The following PROKR2 variants were observed in gnomAD, a reference collection of about 807,000 sequenced individuals.
PROKR2 encodes prokineticin receptor 2.
A neutral mutation model predicts 23.4 loss-of-function variants in PROKR2; 26 were observed. The observed-to-expected ratio is 1.11, with a 90% CI of 0.81 to 1.54. The LOEUF (loss-of-function observed/expected upper bound fraction) is 1.54, where lower values mean the gene tolerates loss of function less well. PROKR2 is among the 40% of genes most tolerant of loss of function. The pLI is 0.00. For missense variants in PROKR2, 453 were observed against 511.5 expected (o/e 0.89, Z 1.10); for synonymous variants, 212 against 201.2 (o/e 1.05, Z -0.45).
intron 2 of PROKR2, 106 bp from the exon 3 acceptor site, chr20:5,302,842 G>A: frequency 1.2e-6 from 1 of 812,634 alleles, no homozygotes; most frequent in Admixed American, 2.0e-5. Flanking sequence ...GAATCCTCAT[G>A]TACTTGTTAT....
intron 1 of PROKR2, chr20:5,315,734 C>T: frequency 2.5e-6 from 1 of 399,234 alleles, no homozygotes; most frequent in Non-Finnish European, 5.1e-6. Context: ...AGGCGAGATG[C>T]AAATCCCAGT....
rs746638938 is a variant in PROKR2 at position 5,313,966 on chromosome 20, C to A, written c.404G>T (p.Arg135Leu). The change falls in exon 2 of 3, where the codon CGC becomes CTC. Residue 135 changes from arginine (R) to leucine (L), a missense_variant. Physicochemically the swap from Arg to Leu is moderately radical, Grantham distance 102 (BLOSUM62 -2). Coordinates refer to ENST00000678254, the MANE Select transcript of PROKR2 (RefSeq NM_144773.4). ...HVLCASVNYL[R>L]TVSLYVSTNA... ...GGTGGAGACGTAGAGGGAGACGGTG[C>A]GCAGGTAGTTGACGGAGGCACAGAG... 1 of 1,614,146 alleles carries A rather than the reference C, an allele frequency of 6.2e-7. No homozygotes were observed. Among genetic ancestry groups the A allele is most frequent in the African/African-American group, 1.3e-5 (1 of 75,026 alleles).
chr20:5,310,700 A>T (rs533316919), intron 2 of PROKR2, among the ~76,000 whole-genome samples: 63 of 152,286 alleles, frequency 4.1e-4, no homozygotes, highest in African/African-American at 1.5e-3. Flanking sequence ...GCTGTGATCT[A>T]TGCTGGCTCC....
chr20:5,313,312 T>A (rs1979513328), intron 2 of PROKR2, among the ~76,000 whole-genome samples: 1 of 152,262 alleles, frequency 6.6e-6, no homozygotes, highest in Admixed American at 6.5e-5. Context: ...CTTTCCTCTT[T>A]TGCACAAACA....
At chr20:5,308,650 G>T (rs1441252248) in intron 2 of PROKR2, among the ~76,000 whole-genome samples, 1 of 152,182 alleles carries the variant, frequency 6.6e-6, no homozygotes, top group Non-Finnish European at 1.5e-5. Context: ...ATTTCTGTGT[G>T]TGTGTCTTTA....
In PROKR2 at chr20:5,314,000, C is replaced by T. The variant is rs940223117; in HGVS notation, c.370G>A (p.Gly124Ser). The T allele has an allele frequency of 6.2e-7, 1 of 1,614,198 alleles. No homozygotes were observed. The highest frequency in any genetic ancestry group is 8.5e-7 in the Non-Finnish European group (1 of 1,180,024). The stretch of plus-strand genomic sequence containing the variant: ...TTGACGGAGGCACAGAGCACGTGGC[C>T]ATGCTCCCAGGAGAGCTGCCGTACC... ...YVVRQLSWEH[G>S]HVLCASVNYL... Residue 124 changes from glycine (G) to serine (S), a missense_variant, in exon 2 of 3, where the codon GGC (glycine) becomes AGC (serine). Gly to Ser is a moderately conservative substitution (Grantham distance 56). Transcript: ENST00000678254.
intron 2 of PROKR2, among the ~76,000 whole-genome samples, chr20:5,310,195 T>C (rs1394948080): frequency 6.6e-6 from 1 of 152,208 alleles, no homozygotes; most frequent in Non-Finnish European, 1.5e-5. Context: ...ACTCATTCAT[T>C]TGCAAGAGGG....
intron 1 of PROKR2, among the ~76,000 whole-genome samples, 155 bp from the exon 2 acceptor site, chr20:5,314,532 G>A (rs1979582931): frequency 1.3e-5 from 2 of 152,214 alleles, no homozygotes; most frequent in Non-Finnish European, 2.9e-5. Context: ...TGGGCAACAT[G>A]CAGGAGAACA....
At position 5,302,562 on chromosome 20, in the gene PROKR2, G is replaced by C; in HGVS notation, c.633C>G (p.Ile211Met). ...KSQEKIFCGQ[I>M]WPVDQQLYYK... ...AGTAGAGCTGCTGATCCACAGGCCA[G>C]ATCTGGCCACAGAAGATCTTCTCCT... Residue 211 changes from isoleucine (I) to methionine (M), a missense_variant, in exon 3 of 3, where the codon ATC (isoleucine) becomes ATG (methionine). Ile to Met is a conservative substitution (Grantham distance 10, BLOSUM62 1). Transcript: ENST00000678254. 2 of 1,614,250 alleles carry C rather than the reference G, an allele frequency of 1.2e-6. No individual in the cohort carries two copies. Among genetic ancestry groups the C allele is most frequent in the Non-Finnish European group, 1.7e-6 (2 of 1,180,044 alleles).
intron 1 of PROKR2, among the ~76,000 whole-genome samples, chr20:5,315,169 GA>G (rs1418258596): frequency 6.7e-6 from 1 of 150,340 alleles, no homozygotes; most frequent in Non-Finnish European, 1.5e-5. Context: ...GTAGGTGGAG[GA>G]GGTGGTGGTG....
chr20:5,312,056 G>C (rs901687811), intron 2 of PROKR2, among the ~76,000 whole-genome samples: 2 of 152,142 alleles, frequency 1.3e-5, no homozygotes, highest in South Asian at 4.1e-4. Context: ...AGATTCCTGG[G>C]ACCTTGCCCA....
chr20:5,303,361 G>A (rs1354413633), intron 2 of PROKR2, among the ~76,000 whole-genome samples: 1 of 152,178 alleles, frequency 6.6e-6, no homozygotes, highest in African/African-American at 2.4e-5. Context: ...TCAGAGGCAG[G>A]AGAGTCAAGG....
intron 2 of PROKR2, among the ~76,000 whole-genome samples, chr20:5,313,242 C>G (rs1051559317): frequency 2.6e-5 from 4 of 152,206 alleles, no homozygotes; most frequent in African/African-American, 9.6e-5. Context: ...GGAAATATCT[C>G]ATGCAAATGT....
chr20:5,310,573 CTGA>C (rs869071183), intron 2 of PROKR2, among the ~76,000 whole-genome samples: 2 of 122,474 alleles, frequency 1.6e-5, no homozygotes, highest in East Asian at 4.9e-4. Flanking sequence ...AGTTTAGAAC[CTGA>C]TCAGAGAAGA....
chr20:5,315,954 G>A (rs1247739651), intron 1 of PROKR2: 1 of 456,452 alleles, frequency 2.2e-6, no homozygotes, highest in Non-Finnish European at 4.4e-6. Flanking sequence ...TCCCCGCCCG[G>A]GAGCGACCCG....
chr20:5,302,344 T>A lies in PROKR2; in HGVS notation c.851A>T (p.Tyr284Phe). Reference sequence around the variant, plus strand: ...GTAGAAGGGTGCCCAGCACAGCACATAGGCCGTGAGAATGCACATGAGCAC... The same window carrying A: ...GTAGAAGGGTGCCCAGCACAGCACAAAGGCCGTGAGAATGCACATGAGCAC... The part of the protein sequence containing the change: ...VLVLMCILTA[Y>F]VLCWAPFYGF... Residue 284 changes from tyrosine to phenylalanine, a missense_variant, in exon 3 of 3, where the codon TAT (tyrosine) becomes TTT (phenylalanine). Coordinates refer to ENST00000678254, the MANE Select transcript of PROKR2 (RefSeq NM_144773.4). 6.2e-7 allele frequency: 1 copy of A among 1,614,172 alleles called. No individual in the cohort carries two copies. Among genetic ancestry groups the A allele is most frequent in the Middle Eastern group, 1.6e-4 (1 of 6,062 alleles).
At position 5,302,210 on chromosome 20, in the gene PROKR2, T is replaced by C; in HGVS notation, c.985A>G (p.Asn329Asp). Residue 329 changes from asparagine (N) to aspartate (D), a missense_variant, in exon 3 of 3, where the codon AAC becomes GAC. By Grantham distance (23) the Asn-to-Asp change is conservative (BLOSUM62 1). Transcript: ENST00000678254. Reference sequence around the variant, plus strand: ...TTGACCGTCACGAAGCACACGGTGTTGATCATGCTGTTGCTCATGGCGATG... The same window carrying C: ...TTGACCGTCACGAAGCACACGGTGTCGATCATGCTGTTGCTCATGGCGATG... ...ECIAMSNSMI[N>D]TVCFVTVKNN... The C allele has an allele frequency of 6.2e-7, 1 of 1,614,184 alleles. No homozygotes were observed. Among genetic ancestry groups the C allele is most frequent in the Non-Finnish European group, 8.5e-7 (1 of 1,180,026 alleles).
chr20:5,312,521 G>C (rs1979482194), intron 2 of PROKR2, among the ~76,000 whole-genome samples: 1 of 152,202 alleles, frequency 6.6e-6, no homozygotes, highest in Non-Finnish European at 1.5e-5. Flanking sequence ...TGGTGAGCCT[G>C]AGTTGTAGCA....
In PROKR2 at chr20:5,314,300, G is replaced by A. The variant is rs774879752; in HGVS notation, c.70C>T (p.Leu24Phe). Residue 24 changes from leucine to phenylalanine, a missense_variant, in exon 2 of 3, where the codon CTC (leucine) becomes TTC (phenylalanine). By Grantham distance (22) the Leu-to-Phe change is conservative. Transcript: ENST00000678254. ...FNPPQDHASS[L>F]SFNFSYGDYD... The stretch of plus-strand genomic sequence containing the variant: ...TCACCATAACTGAAGTTAAAGGAGA[G>A]GGAGGAGGCATGGTCTTGGGGTGGA... 34 of 1,614,100 alleles carry A rather than the reference G, an allele frequency of 2.1e-5. No homozygotes were observed. The South Asian group carries it at 3.5e-4, about 17-fold the overall frequency.
Sources: gnomAD v4.1 joint callset for allele counts (sites outside exome capture counted in the v4.1 genomes callset) on GRCh38, gnomAD v4.1.1 for gene constraint, MANE v1.5 for transcripts, NCBI Gene and HGNC (gene_info 2026-07-23, HGNC 2026-07-21) for gene names.